TBC1D10B: variants seen among roughly 807,000 people sequenced by gnomAD.
The protein encoded by TBC1D10B is TBC1 domain family member 10B, also known as Rab27A-GAPbeta.
A neutral mutation model predicts 78.4 loss-of-function variants in TBC1D10B; 25 were observed. The ratio of observed to expected loss-of-function variants is 0.32; its 90% CI spans 0.23 to 0.45. TBC1D10B has a LOEUF of 0.45. Ranked by LOEUF, TBC1D10B falls within the 20% of genes least tolerant of loss-of-function variation. The probability of loss-of-function intolerance (pLI) is 1.00; values close to 1 mark genes in which losing one functional copy is unlikely to be tolerated. For missense variants in TBC1D10B, 996 were observed against 1,104.8 expected (o/e 0.90, Z 1.40); for synonymous variants, 517 against 478.0 (o/e 1.08, Z -1.06).
In TBC1D10B at chr16:30,358,009, G is replaced by A. The variant is rs1200891984; in HGVS notation, c.2362C>T (p.Pro788Ser). Residue 788 changes from proline to serine, a missense_variant, in exon 9 of 9, where the codon CCC becomes TCC. Around this residue, in one of 5 missense-constraint regions of TBC1D10B, gnomAD observed 285 missense variants for 252.5 expected, o/e 1.13. Coordinates refer to ENST00000409939, the MANE Select transcript of TBC1D10B (RefSeq NM_015527.4). ...KLSLRRKADG[P>S]PGPHDGGDRP... ...TCCCCACCATCATGGGGGCCTGGGG[G>A]CCCATCTGCCTTTCGACGCAGCGAA... 13 of 1,551,700 alleles carry A rather than the reference G, an allele frequency of 8.4e-6. No individual in the cohort carries two copies. Among genetic ancestry groups the A allele is most frequent in the South Asian group, 1.2e-5 (1 of 84,072 alleles).
chr16:30,362,825 T>C (rs2049607808), intron 4 of TBC1D10B, among the ~76,000 whole-genome samples: 1 of 152,062 alleles, frequency 6.6e-6, no homozygotes, highest in African/African-American at 2.4e-5. Flanking sequence ...TCACTTGAGG[T>C]CAGGAGTTCG....
At chr16:30,359,875 A>T (rs1478170312) in intron 4 of TBC1D10B, 34 bp from the exon 5 acceptor site, 1 of 1,524,664 alleles carries the variant, frequency 6.6e-7, no homozygotes, top group African/African-American at 1.4e-5. Flanking sequence ...GAGGGCAGTC[A>T]CGGGCTGAGA....
chr16:30,363,564 G>A (rs949308595), intron 4 of TBC1D10B, among the ~76,000 whole-genome samples: 11 of 151,730 alleles, frequency 7.2e-5, no homozygotes, highest in African/African-American at 2.2e-4. Flanking sequence ...AAGACCAGCC[G>A]GGGCAACATG....
rs1313272507 is a variant in TBC1D10B, at chr16:30,369,894, G to C, written c.290C>G (p.Ser97Trp). 1 of 1,391,680 alleles carries C rather than the reference G, an allele frequency of 7.2e-7. No homozygotes were observed. The highest frequency in any genetic ancestry group is 1.6e-5 in the South Asian group (1 of 60,898). 86.2% of individuals were successfully genotyped at this position (1,391,680 alleles called of 1,614,324 possible). The change falls in exon 1 of 9, where the codon TCG becomes TGG. Residue 97 changes from serine to tryptophan, a missense_variant. Physicochemically the swap from Ser to Trp is radical, Grantham distance 177. Around this residue, in one of 5 missense-constraint regions of TBC1D10B, gnomAD observed 448 missense variants for 442.1 expected, o/e 1.01. Coordinates refer to ENST00000409939, the MANE Select transcript of TBC1D10B (RefSeq NM_015527.4). This position sits in a 1 kb window ranked among gnomAD's most constrained non-coding sequence, Gnocchi z 4.3. ...GAGCTGCGGCTTTGGGGCTTCGGGC[G>C]AGGCCTCCAGGGTCAGCACCACCAC... ...STVVVLTLEA[S>W]PEAPKPQLPS... is the part of the protein sequence containing the mutation.
Position 30,365,699 on chromosome 16 carries a change from G to A in TBC1D10B, c.957-105C>T, listed in dbSNP as rs1481146185. 2.6e-5 allele frequency: 28 copies of A among 1,086,210 alleles called. No homozygotes were observed. In the East Asian group the frequency reaches 6.8e-4, roughly 26 times the overall value. The allele number at this position is 1,086,210 out of a possible 1,614,324, so 67.3% of individuals were successfully genotyped here. On this transcript the variant is annotated intron_variant, in intron 1 of 8. Coordinates refer to ENST00000409939, the MANE Select transcript of TBC1D10B (RefSeq NM_015527.4). The surrounding 1 kb of genome is among the most constrained non-coding windows in gnomAD (Gnocchi z 5.0). ...CCTCCCCAAGCTCAAACGAGAAACTGGATAGTCTGTGAGCTGCCAAACATC... is the reference window on the plus strand; with the variant it reads ...CCTCCCCAAGCTCAAACGAGAAACTAGATAGTCTGTGAGCTGCCAAACATC...
At chr16:30,359,952 C>G in intron 4 of TBC1D10B, 111 bp from the exon 5 acceptor site, 1 of 973,154 alleles carries the variant, frequency 1.0e-6, no homozygotes. Context: ...CATCCACCTG[C>G]CCAGTCCTGC....
rs1483160653 is a variant in TBC1D10B at position 30,357,910 on chromosome 16, A to G, written c.*34T>C. 26 of 1,531,682 alleles carry G rather than the reference A, an allele frequency of 1.7e-5. No individual in the cohort carries two copies. The highest frequency in any genetic ancestry group is 2.5e-5 in the East Asian group (1 of 40,688). The allele number at this position is 1,531,682 out of a possible 1,614,324, so 94.9% of individuals were successfully genotyped here. ...AGGCCTGTTCTTGGCTGAGGGAAAG[A>G]GGGGGGCCATGCAGTCCAGCCCCAG... On this transcript the variant is annotated 3_prime_UTR_variant, in exon 9 of 9. Coordinates refer to ENST00000409939, the MANE Select transcript of TBC1D10B (RefSeq NM_015527.4).
chr16:30,359,654 C>G, intron 5 of TBC1D10B, 51 bp from the exon 6 acceptor site: 1 of 1,554,358 alleles, frequency 6.4e-7, no homozygotes, highest in South Asian at 1.2e-5. Flanking sequence ...AAGCAGGGAG[C>G]AGGGAGCTCC....
At position 30,364,909 on chromosome 16, in the gene TBC1D10B, C is replaced by G; in HGVS notation, c.1262G>C (p.Gly421Ala). Residue 421 changes from glycine to alanine, a missense_variant, in exon 4 of 9, where the codon GGG (glycine) becomes GCG (alanine). Around this residue, in one of 5 missense-constraint regions of TBC1D10B, gnomAD observed 93 missense variants for 152.7 expected, o/e 0.61. Coordinates refer to ENST00000409939, the MANE Select transcript of TBC1D10B (RefSeq NM_015527.4). Reference sequence around the variant, plus strand: ...GGTCCGGCCACCTTACCCATGCCCCCCTCGAGCAGCAAACATCTCGTGGAA... The same window carrying G: ...GGTCCGGCCACCTTACCCATGCCCCGCTCGAGCAGCAAACATCTCGTGGAA... ...FPFHEMFAAR[G>A]GHGQQDLYRI... 1.2e-6 allele frequency: 2 copies of G among 1,610,230 alleles called. No individual in the cohort carries two copies. Among genetic ancestry groups the G allele is most frequent in the South Asian group, 1.1e-5 (1 of 90,150 alleles).
In TBC1D10B at chr16:30,369,533, G is replaced by A; in HGVS notation, c.651C>T (p.Gly217=). ...GQAPEDPSGP[G]TGPSGTCEAP... is the part of the protein sequence containing the mutation. ...CCTCACAAGTCCCAGAGGGGCCTGT[G>A]CCAGGGCCTGAGGGGTCCTCAGGAG... Residue 217 remains glycine, a synonymous_variant, in exon 1 of 9, where the codon GGC becomes GGT. Coordinates refer to ENST00000409939, the MANE Select transcript of TBC1D10B (RefSeq NM_015527.4). The surrounding 1 kb of genome is among the most constrained non-coding windows in gnomAD (Gnocchi z 4.3). The A allele has an allele frequency of 1.3e-6, 2 of 1,549,846 alleles. No homozygotes were observed. Among genetic ancestry groups the A allele is most frequent in the Non-Finnish European group, 1.7e-6 (2 of 1,146,370 alleles).
Position 30,369,961 on chromosome 16 carries a change from C to T in TBC1D10B, c.223G>A (p.Ala75Thr), listed in dbSNP as rs962687776. The T allele has an allele frequency of 7.8e-7, 1 of 1,287,234 alleles. No individual in the cohort carries two copies. The highest frequency in any genetic ancestry group is 1.5e-5 in the African/African-American group (1 of 64,716). The allele number at this position is 1,287,234 out of a possible 1,614,324, so 79.7% of individuals were successfully genotyped here. ...GSAETSAPAP[A>T]PAPAPAPAVT... ...GCCGGGGCTGGGGCCGGGGCTGGGG[C>T]CGGGGCCGGAGCAGAGGTCTCGGCC... Residue 75 changes from alanine (A) to threonine (T), a missense_variant, in exon 1 of 9, where the codon GCC (alanine) becomes ACC (threonine). Transcript: ENST00000409939. This position sits in a 1 kb window ranked among gnomAD's most constrained non-coding sequence, Gnocchi z 4.3.
At chr16:30,359,984 C>CT (rs1177301493) in intron 4 of TBC1D10B, 143 bp from the exon 5 acceptor site, 2 of 767,232 alleles carry the variant, frequency 2.6e-6, no homozygotes, top group Non-Finnish European at 2.1e-6. Flanking sequence ...CAGCTAAAGG[C>CT]TCAGCCCACA....
In TBC1D10B at chr16:30,369,952, G is replaced by A. The variant is rs1350702710; in HGVS notation, c.232C>T (p.Pro78Ser). 1.5e-6 allele frequency: 2 copies of A among 1,291,800 alleles called. No individual in the cohort carries two copies. Among genetic ancestry groups the A allele is most frequent in the South Asian group, 5.1e-5 (2 of 39,602 alleles). The allele number at this position is 1,291,800 out of a possible 1,614,324, so 80.0% of individuals were successfully genotyped here. Reference protein sequence around the residue: ...ETSAPAPAPAPAPAPAVTGST... With the variant: ...ETSAPAPAPASAPAPAVTGST... Reference sequence around the variant, plus strand: ...CCCGTGACAGCCGGGGCTGGGGCCGGGGCTGGGGCCGGGGCCGGAGCAGAG... The same window carrying A: ...CCCGTGACAGCCGGGGCTGGGGCCGAGGCTGGGGCCGGGGCCGGAGCAGAG... The change falls in exon 1 of 9, where the codon CCG (proline) becomes TCG (serine). Residue 78 changes from proline to serine, a missense_variant. Physicochemically the swap from Pro to Ser is moderately conservative, Grantham distance 74. Around this residue, in one of 5 missense-constraint regions of TBC1D10B, gnomAD observed 448 missense variants for 442.1 expected, o/e 1.01. Coordinates refer to ENST00000409939, the MANE Select transcript of TBC1D10B (RefSeq NM_015527.4). The surrounding 1 kb of genome is among the most constrained non-coding windows in gnomAD (Gnocchi z 4.3).
chr16:30,364,913 G>A lies in TBC1D10B; in HGVS notation c.1258C>T (p.Arg420Ter). The A allele has an allele frequency of 6.2e-7, 1 of 1,611,022 alleles. No homozygotes were observed. The highest frequency in any genetic ancestry group is 1.1e-5 in the South Asian group (1 of 90,366). The change falls in exon 4 of 9, where the codon CGA becomes TGA. Residue 420 changes from arginine to a stop codon, truncating the protein, a stop_gained. Coordinates refer to ENST00000409939, the MANE Select transcript of TBC1D10B (RefSeq NM_015527.4). LOFTEE classifies it high-confidence loss of function. ...QFPFHEMFAARGGHGQQDLYR... is the reference protein window; with the variant it reads ...QFPFHEMFAA ...CGGCCACCTTACCCATGCCCCCCTC[G>A]AGCAGCAAACATCTCGTGGAAAGGG...
chr16:30,368,861 C>G (rs1365725782), intron 1 of TBC1D10B, among the ~76,000 whole-genome samples: 1 of 152,220 alleles, frequency 6.6e-6, no homozygotes, highest in Admixed American at 6.5e-5. Flanking sequence ...TCCAGAATAT[C>G]CGGCCTGTAG....
At position 30,357,953 on chromosome 16, in the gene TBC1D10B, A is replaced by C; in HGVS notation, c.2418T>G (p.Ala806=). 6.4e-7 allele frequency: 1 copy of C among 1,550,700 alleles called. No homozygotes were observed. Among genetic ancestry groups the C allele is most frequent in the South Asian group, 1.2e-5 (1 of 84,052 alleles). Residue 806 remains alanine, a synonymous_variant, in exon 9 of 9, where the codon GCT becomes GCG. Coordinates refer to ENST00000409939, the MANE Select transcript of TBC1D10B (RefSeq NM_015527.4). The stretch of plus-strand genomic sequence containing the variant: ...AGCCCCAGGGCAGAGGTCAGAAGTA[A>C]GCGTCCTGCCGGGCCTCGGCTGAGG... The part of the protein sequence containing the change: ...DRPSAEARQD[A]YF
In TBC1D10B at chr16:30,369,889, C is replaced by T; in HGVS notation, c.295G>A (p.Glu99Lys). Residue 99 changes from glutamate to lysine, a missense_variant, in exon 1 of 9, where the codon GAA becomes AAA. This residue lies in a region of TBC1D10B where 448 missense variants were observed against 442.1 expected (regional missense o/e 1.01). Transcript: ENST00000409939. The surrounding 1 kb of genome is among the most constrained non-coding windows in gnomAD (Gnocchi z 4.3). ...GAGGGGAGCTGCGGCTTTGGGGCTT[C>T]GGGCGAGGCCTCCAGGGTCAGCACC... is the stretch of plus-strand genomic sequence containing the variant. ...VVVLTLEASP[E>K]APKPQLPSGP... 7.2e-7 allele frequency: 1 copy of T among 1,387,840 alleles called. No individual in the cohort carries two copies. The highest frequency in any genetic ancestry group is 9.3e-7 in the Non-Finnish European group (1 of 1,074,280). The allele number at this position is 1,387,840 out of a possible 1,614,324, so 86.0% of individuals were successfully genotyped here.
In TBC1D10B at chr16:30,358,267, G is replaced by C. The variant is rs1274065446; in HGVS notation, c.2104C>G (p.His702Asp). 1 of 1,581,326 alleles carries C rather than the reference G, an allele frequency of 6.3e-7. No individual in the cohort carries two copies. The highest frequency in any genetic ancestry group is 8.6e-7 in the Non-Finnish European group (1 of 1,163,804). Reference protein sequence around the residue: ...PGPVVTAEGLHPSLPSPTGNS... With the variant: ...PGPVVTAEGLDPSLPSPTGNS... Reference sequence around the variant, plus strand: ...CCAGTGGGTGAGGGAAGGGATGGATGCAGTCCCTCAGCAGTGACCACAGGC... The same window carrying C: ...CCAGTGGGTGAGGGAAGGGATGGATCCAGTCCCTCAGCAGTGACCACAGGC... Residue 702 changes from histidine (H) to aspartate (D), a missense_variant, in exon 9 of 9, where the codon CAT (histidine) becomes GAT (aspartate). This residue lies in a region of TBC1D10B where 285 missense variants were observed against 252.5 expected (regional missense o/e 1.13). Coordinates refer to ENST00000409939, the MANE Select transcript of TBC1D10B (RefSeq NM_015527.4).
Position 30,370,168 on chromosome 16 carries a change from C to T in TBC1D10B, c.16G>A (p.Ala6Thr). 8.5e-7 allele frequency: 1 copy of T among 1,179,352 alleles called. No individual in the cohort carries two copies. The allele number at this position is 1,179,352 out of a possible 1,614,324, so 73.1% of individuals were successfully genotyped here. The change falls in exon 1 of 9, where the codon GCG becomes ACG. Residue 6 changes from alanine (A) to threonine (T), a missense_variant. Transcript: ENST00000409939. METGT[A>T]PLVAPPRRHG... ...CGGCGCGGCGGGGCCACCAGGGGCG[C>T]CGTGCCCGTCTCCATGGCCGCGGGC...
Sources: gnomAD v4.1 joint callset for allele counts (sites outside exome capture counted in the v4.1 genomes callset) on GRCh38, gnomAD v4.1.1 for gene constraint, gnomAD v4.1.1 regional missense constraint, Gnocchi (gnomAD v3.1) non-coding constraint, MANE v1.5 for transcripts, NCBI Gene and HGNC (gene_info 2026-07-23, HGNC 2026-07-21) for gene names.